AUH: variants seen among roughly 807,000 people sequenced by gnomAD.
The protein encoded by AUH is AU RNA binding methylglutaconyl-CoA hydratase, also known as methylglutaconyl-CoA hydratase, mitochondrial.
A neutral mutation model predicts 42.3 loss-of-function variants in AUH; 29 were observed. That is an observed-to-expected ratio of 0.69 (90% CI 0.51 to 0.93). The LOEUF (loss-of-function observed/expected upper bound fraction) is 0.93, where lower values mean the gene tolerates loss of function less well. AUH is among the 40% of genes least tolerant of loss of function. The pLI is 0.00. For missense variants in AUH, 452 were observed against 438.1 expected, an observed-to-expected ratio of 1.03 and a Z score of -0.28; for synonymous variants, 174 against 166.4, an observed-to-expected ratio of 1.05 and a Z score of -0.35.
intron 9 of AUH, 97 bp downstream of exon 9, chr9:91,215,962 A>C: frequency 7.7e-7 from 1 of 1,303,012 alleles, no homozygotes; most frequent in Non-Finnish European, 1.1e-6. Context: ...AATGGGCGCA[A>C]GGGTAATCTT....
chr9:91,286,932 T>C (rs1373084032), intron 6 of AUH, among the ~76,000 whole-genome samples: 1 of 152,038 alleles, frequency 6.6e-6, no homozygotes, highest in Non-Finnish European at 1.5e-5. Context: ...AGATCTTATA[T>C]GTTCTCACCC....
intron 4 of AUH, 103 bp from the exon 5 acceptor site, chr9:91,298,179 T>G: frequency 1.2e-6 from 1 of 850,038 alleles, no homozygotes; most frequent in Non-Finnish European, 1.9e-6. Flanking sequence ...AAATGGGAGA[T>G]CATATACAGA....
Position 91,214,547 on chromosome 9 carries a change from C to A in AUH, c.943-122G>T, listed in dbSNP as rs923699256. The A allele has an allele frequency of 1.2e-5, 9 of 765,072 alleles. No individual in the cohort carries two copies. The Admixed American group carries it at 1.3e-4, about 11-fold the overall frequency. The allele number at this position is 765,072 out of a possible 1,614,324, so 47.4% of individuals were successfully genotyped here. ...AAAATTTTGAAATCAGTCACCTGAA[C>A]AATTCTCCTAATTATGTAACCAAAC... On this transcript the variant is annotated intron_variant, in intron 9 of 9. Coordinates refer to ENST00000375731, the MANE Select transcript of AUH (RefSeq NM_001698.3).
intron 3 of AUH, among the ~76,000 whole-genome samples, chr9:91,333,369 CA>C (rs1374598465): frequency 6.6e-6 from 1 of 151,896 alleles, no homozygotes; most frequent in Non-Finnish European, 1.5e-5. Context: ...AATGTGTATG[CA>C]AATTAAATTA....
At chr9:91,303,549 C>A (rs2131703117) in intron 4 of AUH, among the ~76,000 whole-genome samples, 1 of 152,294 alleles carries the variant, frequency 6.6e-6, no homozygotes, top group South Asian at 2.1e-4. Flanking sequence ...CCAGGATGGT[C>A]TCAATCTGAC....
chr9:91,282,586 C>G (rs1446794481), intron 6 of AUH, among the ~76,000 whole-genome samples: 1 of 152,130 alleles, frequency 6.6e-6, no homozygotes, highest in African/African-American at 2.4e-5. Flanking sequence ...AGAGAAGTAG[C>G]CAGGGACCCA....
intron 6 of AUH, among the ~76,000 whole-genome samples, chr9:91,223,178 A>T (rs949086924): frequency 6.6e-6 from 1 of 152,160 alleles, no homozygotes; most frequent in African/African-American, 2.4e-5. Context: ...TAACTTTCTG[A>T]CCCATTGAAA....
At chr9:91,353,820 CAAAAA>C (rs56842895) in intron 3 of AUH, among the ~76,000 whole-genome samples, 940 of 27,530 alleles carry the variant, frequency 0.034, 12 homozygotes, top group African/African-American at 0.1. Flanking sequence ...GACTCCGTCT[CAAAAA>C]AAAAAAAAAA....
intron 3 of AUH, among the ~76,000 whole-genome samples, chr9:91,336,650 A>C (rs556828930): frequency 6.6e-6 from 1 of 151,758 alleles, no homozygotes; most frequent in Non-Finnish European, 1.5e-5. Flanking sequence ...AAAAAAAAGA[A>C]ATGAACCTCC....
chr9:91,348,132 G>C (rs1831677594), intron 3 of AUH, among the ~76,000 whole-genome samples: 1 of 151,002 alleles, frequency 6.6e-6, no homozygotes, highest in African/African-American at 2.4e-5. Flanking sequence ...AAAAACATTG[G>C]GAAAAAATTC....
At chr9:91,329,987 C>T (rs1830214110) in intron 3 of AUH, among the ~76,000 whole-genome samples, 1 of 152,072 alleles carries the variant, frequency 6.6e-6, no homozygotes, top group Non-Finnish European at 1.5e-5. Flanking sequence ...AACAGATGTA[C>T]TAGCGAGTGT....
intron 1 of AUH, among the ~76,000 whole-genome samples, chr9:91,359,032 T>C (rs1429491934): frequency 6.6e-6 from 1 of 152,178 alleles, no homozygotes; most frequent in African/African-American, 2.4e-5. Flanking sequence ...TTTACCAAAC[T>C]CAGAAAAGCT....
At chr9:91,265,984 A>T (rs1829956336) in intron 6 of AUH, among the ~76,000 whole-genome samples, 3 of 151,952 alleles carry the variant, frequency 2.0e-5, no homozygotes, top group Non-Finnish European at 4.4e-5. Flanking sequence ...ATTTTGGTGA[A>T]GCCTTAAAAT....
intron 3 of AUH, among the ~76,000 whole-genome samples, chr9:91,337,881 T>C (rs1445135299): frequency 1.3e-5 from 2 of 152,222 alleles, no homozygotes; most frequent in Non-Finnish European, 2.9e-5. Context: ...TTCTAGGTAA[T>C]GTCTGGAGAG....
chr9:91,284,862 G>A (rs1036422639), intron 6 of AUH, among the ~76,000 whole-genome samples: 5 of 152,134 alleles, frequency 3.3e-5, no homozygotes, highest in African/African-American at 1.2e-4. Flanking sequence ...ACTGTTGGTG[G>A]GACTCTAAAC....
chr9:91,325,672 A>G (rs545567227), intron 3 of AUH, among the ~76,000 whole-genome samples: 1 of 152,344 alleles, frequency 6.6e-6, no homozygotes, highest in South Asian at 2.1e-4. Context: ...GGAAGACACT[A>G]TAGTTGGCAT....
chr9:91,249,809 AGACC>A (rs147753865), intron 6 of AUH, among the ~76,000 whole-genome samples: 11,494 of 152,166 alleles, frequency 0.076, 708 homozygotes, highest in East Asian at 0.25. Context: ...CAAGAGATCA[AGACC>A]ATCCTTGCCA....
intron 3 of AUH, among the ~76,000 whole-genome samples, chr9:91,354,985 TA>T (rs1832296802): frequency 6.6e-6 from 1 of 152,142 alleles, no homozygotes; most frequent in Admixed American, 6.6e-5. Flanking sequence ...AAGCAGACAG[TA>T]TTACTCACAT....
chr9:91,359,107 A>C (rs1019888542), intron 1 of AUH, among the ~76,000 whole-genome samples: 6 of 152,242 alleles, frequency 3.9e-5, no homozygotes, highest in Non-Finnish European at 1.5e-5. Flanking sequence ...ATCTTCAGTG[A>C]ATCTGTAACA....
Sources: allele counts gnomAD v4.1 joint callset (sites outside exome capture counted in the v4.1 genomes callset), GRCh38; gene constraint gnomAD v4.1.1; transcripts MANE v1.5; gene names NCBI Gene and HGNC (gene_info 2026-07-23, HGNC 2026-07-21).